The following MGMT variants were observed in gnomAD, a reference collection of about 807,000 sequenced individuals.
MGMT encodes the protein O-6-methylguanine-DNA methyltransferase, also known as methylated-DNA--protein-cysteine methyltransferase.
A neutral mutation model predicts 15.9 loss-of-function variants in MGMT; 14 were observed. That is an observed-to-expected ratio of 0.88 (90% CI 0.58 to 1.37). The LOEUF (loss-of-function observed/expected upper bound fraction) is 1.37. Among genes scored for constraint, MGMT ranks in the 40% most tolerant of loss-of-function variants. MGMT has a pLI of 0.00. For missense variants in MGMT, 282 were observed against 268.1 expected (o/e 1.05, Z -0.36); for synonymous variants, 130 against 118.2 (o/e 1.10, Z -0.65).
At chr10:129,528,540 G>T (rs911898822) in intron 1 of MGMT, among the ~76,000 whole-genome samples, 1 of 151,736 alleles carries the variant, frequency 6.6e-6, no homozygotes, top group African/African-American at 2.4e-5. Context: ...GCGTGGGTGC[G>T]ATGGGGTCAT....
At chr10:129,538,720 C>G (rs1846012305) in intron 2 of MGMT, among the ~76,000 whole-genome samples, 2 of 152,084 alleles carry the variant, frequency 1.3e-5, no homozygotes, top group African/African-American at 4.8e-5. Flanking sequence ...ACTGCAACCT[C>G]CGCCTCCTGG....
intron 1 of MGMT, among the ~76,000 whole-genome samples, chr10:129,524,444 C>A (rs1433222251): frequency 7.9e-5 from 12 of 152,130 alleles, no homozygotes; most frequent in African/African-American, 2.7e-4. Flanking sequence ...TTGCATACCC[C>A]CGACACTGGG....
chr10:129,689,523 T>C (rs752480711), intron 2 of MGMT, among the ~76,000 whole-genome samples: 1 of 152,226 alleles, frequency 6.6e-6, no homozygotes, highest in Non-Finnish European at 1.5e-5. Context: ...TTTATTTTGA[T>C]TCTGACTTTA....
At chr10:129,526,927 G>C (rs1845876846) in intron 1 of MGMT, among the ~76,000 whole-genome samples, 1 of 152,204 alleles carries the variant, frequency 6.6e-6, no homozygotes, top group Non-Finnish European at 1.5e-5. Flanking sequence ...ATGTTAAAAG[G>C]GAGATGAAAC....
At chr10:129,763,843 C>G (rs1848902479) in intron 4 of MGMT, among the ~76,000 whole-genome samples, 1 of 152,222 alleles carries the variant, frequency 6.6e-6, no homozygotes. Flanking sequence ...GGATTCTCAG[C>G]TGTTCCAGAA....
chr10:129,558,688 G>T (rs576549803), intron 2 of MGMT, among the ~76,000 whole-genome samples: 8 of 152,276 alleles, frequency 5.3e-5, no homozygotes, highest in Non-Finnish European at 8.8e-5. Flanking sequence ...CGTCTCTCCT[G>T]ATGTTGCCGC....
chr10:129,560,115 C>T (rs1846259984), intron 2 of MGMT, among the ~76,000 whole-genome samples: 1 of 152,160 alleles, frequency 6.6e-6, no homozygotes, highest in African/African-American at 2.4e-5. Flanking sequence ...AAAAAGGTGC[C>T]TTCATTAATC....
chr10:129,722,537 G>T (rs188939416), intron 3 of MGMT, among the ~76,000 whole-genome samples: 7 of 152,284 alleles, frequency 4.6e-5, no homozygotes, highest in Admixed American at 1.3e-4. Context: ...TCTTGAAAAA[G>T]AAGAATGAAT....
At chr10:129,758,488 A>T (rs1340654418) in intron 3 of MGMT, among the ~76,000 whole-genome samples, 1 of 152,096 alleles carries the variant, frequency 6.6e-6, no homozygotes, top group Admixed American at 6.5e-5. Flanking sequence ...CTCCCAGGTA[A>T]CAGTTCTGAA....
chr10:129,701,614 A>G (rs538358388), intron 2 of MGMT: 1 of 152,166 alleles, frequency 6.6e-6, no homozygotes, highest in East Asian at 1.9e-4. Flanking sequence ...AATGTTGAGC[A>G]CTCTAAACTG....
At chr10:129,599,131 AAGTGAC>A (rs1846787595) in intron 2 of MGMT, among the ~76,000 whole-genome samples, 1 of 152,230 alleles carries the variant, frequency 6.6e-6, no homozygotes, top group Non-Finnish European at 1.5e-5. Context: ...AGAAAAAGGA[AAGTGAC>A]AGAGACGAGG....
chr10:129,573,725 A>G (rs917455299), intron 2 of MGMT, among the ~76,000 whole-genome samples: 6 of 152,230 alleles, frequency 3.9e-5, no homozygotes, highest in African/African-American at 1.4e-4. Context: ...CACACATTTT[A>G]CAAGGACAAC....
chr10:129,514,642 G>A (rs984514824), intron 1 of MGMT, among the ~76,000 whole-genome samples: 24 of 146,998 alleles, frequency 1.6e-4, no homozygotes, highest in African/African-American at 5.8e-4. Context: ...GGTATTAAGA[G>A]TTGGGGCCTT....
At chr10:129,486,732 T>C (rs1845413412) in intron 1 of MGMT, among the ~76,000 whole-genome samples, 2 of 152,204 alleles carry the variant, frequency 1.3e-5, no homozygotes. Context: ...ACAAAGGGCG[T>C]CTTTGATTCA....
In MGMT at chr10:129,532,070, C is replaced by T. The variant is rs1845939270; in HGVS notation, c.-12-4171C>T. Among the ~76,000 whole-genome samples, 1 of 152,214 alleles carries T rather than the reference C, an allele frequency of 6.6e-6. No individual in the cohort carries two copies. Among genetic ancestry groups the T allele is most frequent in the African/African-American group, 2.4e-5 (1 of 41,448 alleles). ...TTGGATGGAGCTCACCTGGTCCCCC[C>T]AGCTCCCTGCTTTGTGATTGATTCA... On this transcript the variant is annotated intron_variant, in intron 1 of 4. Transcript: ENST00000651593. The surrounding 1 kb of genome is among the most constrained non-coding windows in gnomAD (Gnocchi z 5.3).
intron 2 of MGMT, among the ~76,000 whole-genome samples, chr10:129,554,052 C>T (rs987154795): frequency 5.3e-5 from 8 of 152,164 alleles, no homozygotes; most frequent in Non-Finnish European, 1.2e-4. Context: ...ACCATGAGGG[C>T]GTGGGACTGG....
chr10:129,504,589 C>A (rs1472830665), intron 1 of MGMT, among the ~76,000 whole-genome samples: 1 of 152,224 alleles, frequency 6.6e-6, no homozygotes, highest in African/African-American at 2.4e-5. Context: ...ATAGCTCCCA[C>A]AACCATTGTG....
chr10:129,634,022 T>C (rs1471840252), intron 2 of MGMT, among the ~76,000 whole-genome samples: 1 of 152,364 alleles, frequency 6.6e-6, no homozygotes, highest in Admixed American at 6.5e-5. Context: ...CCCTTTCTCA[T>C]TGCACTGGTC....
chr10:129,536,283 A>G lies in MGMT; in HGVS notation c.31A>G (p.Thr11Ala). ...CAAGGATTGTGAAATGAAACGCACC[A>G]CACTGGACAGCCCTTTGGGGAAGCT... MDKDCEMKRT[T>A]LDSPLGKLEL... is the part of the protein sequence containing the mutation. The change falls in exon 2 of 5, where the codon ACA (threonine) becomes GCA (alanine). Residue 11 changes from threonine (T) to alanine (A), a missense_variant. Transcript: ENST00000651593. The G allele has an allele frequency of 6.2e-7, 1 of 1,614,136 alleles. No individual in the cohort carries two copies. Among genetic ancestry groups the G allele is most frequent in the South Asian group, 1.1e-5 (1 of 91,068 alleles).
Sources: allele counts gnomAD v4.1 joint callset (sites outside exome capture counted in the v4.1 genomes callset), GRCh38; gene constraint gnomAD v4.1.1; non-coding constraint Gnocchi (gnomAD v3.1); transcripts MANE v1.5; gene names NCBI Gene and HGNC (gene_info 2026-07-23, HGNC 2026-07-21).